KCTD8: variants seen among roughly 807,000 people sequenced by gnomAD.
The protein encoded by KCTD8 is potassium channel tetramerization domain containing 8, also known as BTB/POZ domain-containing protein KCTD8.
KCTD8 carries 27 observed loss-of-function variants against 31.5 expected under a neutral mutation model. That is an observed-to-expected ratio of 0.86 (90% CI 0.63 to 1.18). KCTD8 has a LOEUF of 1.18. KCTD8 is among the 50% of genes most tolerant of loss of function. KCTD8 has a pLI of 0.00. For missense variants in KCTD8, 658 were observed against 647.7 expected (o/e 1.02, Z -0.17); for synonymous variants, 290 against 280.0 (o/e 1.04, Z -0.36).
intron 1 of KCTD8, among the ~76,000 whole-genome samples, chr4:44,292,722 A>G (rs550054880): frequency 6.6e-6 from 1 of 152,104 alleles, no homozygotes; most frequent in African/African-American, 2.4e-5. Context: ...TGAGGGAAAA[A>G]AGTCTAGGAA....
intron 1 of KCTD8, among the ~76,000 whole-genome samples, chr4:44,267,830 A>G (rs1296233263): frequency 6.6e-6 from 1 of 152,214 alleles, no homozygotes; most frequent in African/African-American, 2.4e-5. Context: ...ACATTCTCCC[A>G]AGACTAAACC....
intron 1 of KCTD8, among the ~76,000 whole-genome samples, chr4:44,258,141 C>T (rs1716050498): frequency 6.6e-6 from 1 of 151,948 alleles, no homozygotes; most frequent in South Asian, 2.1e-4. Flanking sequence ...AAAGACAAGT[C>T]ATGGTTAATT....
chr4:44,409,795 A>T (rs1290616587), intron 1 of KCTD8, among the ~76,000 whole-genome samples: 1 of 5,236 alleles, frequency 1.9e-4, no homozygotes, highest in South Asian at 0.012. Context: ...GAGTATATTA[A>T]AAAAAAGTAA....
At chr4:44,191,631 T>G (rs1253073948) in intron 1 of KCTD8, among the ~76,000 whole-genome samples, 1 of 152,138 alleles carries the variant, frequency 6.6e-6, no homozygotes, top group Non-Finnish European at 1.5e-5. Context: ...AGATAAGGAC[T>G]GAGATAAGCC....
At chr4:44,409,338 C>A (rs1168672887) in intron 1 of KCTD8, among the ~76,000 whole-genome samples, 1 of 151,758 alleles carries the variant, frequency 6.6e-6, no homozygotes, top group Non-Finnish European at 1.5e-5. Flanking sequence ...AGAGAAAGAC[C>A]CTAGGAAAAA....
At chr4:44,286,303 T>C (rs1207084275) in intron 1 of KCTD8, among the ~76,000 whole-genome samples, 2 of 152,170 alleles carry the variant, frequency 1.3e-5, no homozygotes, top group East Asian at 1.9e-4. Context: ...TCTCTGAAAA[T>C]ACATTCCTAA....
chr4:44,219,789 A>T (rs143858917), intron 1 of KCTD8, among the ~76,000 whole-genome samples: 113 of 152,288 alleles, frequency 7.4e-4, no homozygotes, highest in Middle Eastern at 3.4e-3. Context: ...GCTATTAGAG[A>T]TATTTTTTGG....
chr4:44,311,896 G>C (rs983480807), intron 1 of KCTD8, among the ~76,000 whole-genome samples: 13 of 149,606 alleles, frequency 8.7e-5, no homozygotes, highest in African/African-American at 3.0e-4. Flanking sequence ...AACTAGTACA[G>C]AGCTTAAATA....
At chr4:44,270,052 A>G (rs1716532467) in intron 1 of KCTD8, among the ~76,000 whole-genome samples, 2 of 151,640 alleles carry the variant, frequency 1.3e-5, no homozygotes, top group Non-Finnish European at 2.9e-5. Flanking sequence ...TATATACCCA[A>G]AGGACTATAA....
chr4:44,339,126 T>G lies in KCTD8; in HGVS notation c.961+108437A>C, dbSNP rs560384880. 2.0e-5 allele frequency among the ~76,000 whole-genome samples: 3 copies of G among 152,288 alleles called. No individual in the cohort carries two copies. In the South Asian group the frequency reaches 6.2e-4, roughly 32 times the overall value. On this transcript the variant is annotated intron_variant, in intron 1 of 1. Coordinates refer to ENST00000360029, the MANE Select transcript of KCTD8 (RefSeq NM_198353.3). ...CTTTAAAAACTGCAAAAAGTACTTT[T>G]AAAAATTGTAAATATATTAACAGTA...
At chr4:44,245,866 TG>T (rs1304235166) in intron 1 of KCTD8, among the ~76,000 whole-genome samples, 1 of 152,066 alleles carries the variant, frequency 6.6e-6, no homozygotes, top group Non-Finnish European at 1.5e-5. Context: ...TGAAACAATT[TG>T]AATAGAGATT....
intron 1 of KCTD8, among the ~76,000 whole-genome samples, chr4:44,348,041 A>G (rs1161158410): frequency 1.3e-5 from 2 of 152,184 alleles, no homozygotes; most frequent in African/African-American, 2.4e-5. Flanking sequence ...TTATAGCCCA[A>G]TTTTGCTTAG....
At chr4:44,402,317 C>A (rs1328699563) in intron 1 of KCTD8, among the ~76,000 whole-genome samples, 1 of 152,080 alleles carries the variant, frequency 6.6e-6, no homozygotes, top group Non-Finnish European at 1.5e-5. Flanking sequence ...GTAATATAAA[C>A]AATAATCTAT....
At chr4:44,349,634 A>C (rs1019854202) in intron 1 of KCTD8, among the ~76,000 whole-genome samples, 6 of 152,096 alleles carry the variant, frequency 3.9e-5, no homozygotes, top group Non-Finnish European at 8.8e-5. Context: ...TAAGAGGTGC[A>C]TTTCCATGAC....
At chr4:44,432,891 C>A (rs1329389485) in intron 1 of KCTD8, among the ~76,000 whole-genome samples, 1 of 151,682 alleles carries the variant, frequency 6.6e-6, no homozygotes, top group Non-Finnish European at 1.5e-5. Flanking sequence ...GTTAAGTACA[C>A]ATTCTTTGCA....
At chr4:44,219,229 G>A (rs919503843) in intron 1 of KCTD8, among the ~76,000 whole-genome samples, 1 of 152,160 alleles carries the variant, frequency 6.6e-6, no homozygotes, top group African/African-American at 2.4e-5. Flanking sequence ...AGAGCAAATA[G>A]AAGTGACAAC....
intron 1 of KCTD8, among the ~76,000 whole-genome samples, chr4:44,305,460 C>G (rs958447514): frequency 6.6e-6 from 1 of 151,268 alleles, no homozygotes; most frequent in Non-Finnish European, 1.5e-5. Flanking sequence ...ATTTTAAAAG[C>G]AAAGATAAAG....
intron 1 of KCTD8, among the ~76,000 whole-genome samples, chr4:44,400,168 T>C (rs2109455869): frequency 6.6e-6 from 1 of 152,310 alleles, no homozygotes; most frequent in East Asian, 1.9e-4. Flanking sequence ...AGAGTCACAG[T>C]TACTTTCTGA....
chr4:44,391,019 C>T (rs1720358133), intron 1 of KCTD8, among the ~76,000 whole-genome samples: 1 of 151,964 alleles, frequency 6.6e-6, no homozygotes, highest in Non-Finnish European at 1.5e-5. Context: ...GAAATAACGG[C>T]ATTTGCAGCA....
Sources: gnomAD v4.1 joint callset for allele counts (sites outside exome capture counted in the v4.1 genomes callset) on GRCh38, gnomAD v4.1.1 for gene constraint, MANE v1.5 for transcripts, NCBI Gene and HGNC (gene_info 2026-07-23, HGNC 2026-07-21) for gene names.